The following EPS15 variants were observed in gnomAD, a reference collection of about 807,000 sequenced individuals.
The protein encoded by EPS15 is epidermal growth factor receptor substrate 15.
A neutral mutation model predicts 113.8 loss-of-function variants in EPS15; 72 were observed. The observed-to-expected ratio is 0.63, with a 90% CI of 0.52 to 0.77. The LOEUF (loss-of-function observed/expected upper bound fraction) is 0.77, where lower values mean the gene tolerates loss of function less well. EPS15 is among the 30% of genes least tolerant of loss of function. The pLI is 0.00. For missense variants in EPS15, 1,048 were observed against 1,045.8 expected (o/e 1.00, Z -0.03); for synonymous variants, 344 against 363.4 (o/e 0.95, Z 0.61).
chr1:51,356,986 C>A, intron 24 of EPS15, 140 bp from the exon 25 acceptor site: 2 of 640,836 alleles, frequency 3.1e-6, no homozygotes, highest in South Asian at 4.4e-5. Flanking sequence ...TTTTTTTTCC[C>A]CCTGAAAACA....
chr1:51,511,360 G>A (rs1447576317), intron 1 of EPS15, among the ~76,000 whole-genome samples: 1 of 151,390 alleles, frequency 6.6e-6, no homozygotes, highest in East Asian at 1.9e-4. Flanking sequence ...GCCAGGCGTG[G>A]TGATGCACGC....
intron 11 of EPS15, among the ~76,000 whole-genome samples, chr1:51,441,639 T>C (rs1357277753): frequency 1.3e-5 from 2 of 152,144 alleles, no homozygotes; most frequent in South Asian, 4.1e-4. Flanking sequence ...CTCATATTTA[T>C]ATACTCATTT....
chr1:51,498,947 C>T (rs913590400), intron 1 of EPS15, among the ~76,000 whole-genome samples: 1 of 152,130 alleles, frequency 6.6e-6, no homozygotes, highest in Admixed American at 6.5e-5. Context: ...AATTTAGGTA[C>T]GTATCAAAGA....
In EPS15 at chr1:51,444,556, ATAATT is replaced by A. The variant is rs1195965552; in HGVS notation, c.954+328_954+332del. Among the ~76,000 whole-genome samples, 6 of 152,352 alleles carry A rather than the reference ATAATT, an allele frequency of 3.9e-5. No individual in the cohort carries two copies. In the South Asian group the frequency reaches 1.0e-3, roughly 26 times the overall value. Reference sequence around the variant, plus strand: ...AGAGTGAATCATCAAGTGAAACACAATAATTTAATTTTTATAGCTTTCCTTTTATA... The same window carrying A: ...AGAGTGAATCATCAAGTGAAACACAATAATTTTTATAGCTTTCCTTTTATA... On this transcript the variant is annotated intron_variant, in intron 11 of 24. Transcript: ENST00000371733.
rs1646195077 is a variant in EPS15 at position 51,355,277 on chromosome 1, A to G, written c.*1423T>C. ...GGAATTTATTTATAGGCTAGGCAAT[A>G]AGTTACTCAGATTAACACAGATCAA... On this transcript the variant is annotated 3_prime_UTR_variant, in exon 25 of 25. Coordinates refer to ENST00000371733, the MANE Select transcript of EPS15 (RefSeq NM_001981.3). 1 of 218,428 alleles carries G rather than the reference A, an allele frequency of 4.6e-6. No homozygotes were observed. Among genetic ancestry groups the G allele is most frequent in the South Asian group, 1.9e-4 (1 of 5,394 alleles). The allele number at this position is 218,428 out of a possible 1,614,324, so 13.5% of individuals were successfully genotyped here. A position where few individuals can be genotyped will look rare whatever the true frequency, so the allele number is the denominator to read the frequency against.
chr1:51,383,562 C>A (rs1223550129), intron 21 of EPS15, among the ~76,000 whole-genome samples: 6 of 152,166 alleles, frequency 3.9e-5, no homozygotes, highest in Non-Finnish European at 8.8e-5. Context: ...GTTCAAGCTC[C>A]TATGAGAATC....
At chr1:51,480,335 G>A (rs1002352668) in intron 2 of EPS15, among the ~76,000 whole-genome samples, 5 of 152,086 alleles carry the variant, frequency 3.3e-5, no homozygotes, top group African/African-American at 9.7e-5. Context: ...AGAAATTATC[G>A]TCTGATCTAT....
chr1:51,438,885 G>C (rs752931669), intron 12 of EPS15, among the ~76,000 whole-genome samples: 5 of 151,190 alleles, frequency 3.3e-5, no homozygotes, highest in Admixed American at 6.6e-5. Context: ...TTTTTTCCGT[G>C]AGTAAGGACA....
Position 51,451,496 on chromosome 1 carries a change from A to G in EPS15, c.562-3361T>C, listed in dbSNP as rs1346459218. 7.6e-5 allele frequency among the ~76,000 whole-genome samples: 11 copies of G among 144,150 alleles called. 1 individual carries two copies. The highest frequency in any genetic ancestry group is 2.8e-4 in the African/African-American group (11 of 39,970). The allele number at this position is 144,150 out of a possible 152,430, so 94.6% of individuals were successfully genotyped here. On this transcript the variant is annotated intron_variant, in intron 8 of 24. Transcript: ENST00000371733. ...ACAGAGAGAGACTCCATCTCAAAAA[A>G]AAAAAAAAAAAAGAAAGAAAGAAAG...
intron 21 of EPS15, among the ~76,000 whole-genome samples, chr1:51,380,772 C>G (rs1044759682): frequency 6.6e-6 from 1 of 151,918 alleles, no homozygotes; most frequent in African/African-American, 2.4e-5. Flanking sequence ...AAATGCAAAA[C>G]ACAACTACAT....
intron 8 of EPS15, among the ~76,000 whole-genome samples, chr1:51,459,705 G>T (rs1029649395): frequency 1.3e-5 from 2 of 151,826 alleles, no homozygotes; most frequent in African/African-American, 4.8e-5. Context: ...CAGGTTGAAA[G>T]TATACATCAA....
intron 21 of EPS15, among the ~76,000 whole-genome samples, chr1:51,389,234 T>C (rs1194688425): frequency 2.6e-4 from 39 of 152,252 alleles, no homozygotes; most frequent in African/African-American, 8.4e-4. Context: ...ATTATCTCAA[T>C]AGATGCAGAA....
intron 1 of EPS15, among the ~76,000 whole-genome samples, chr1:51,518,740 G>A (rs936611621): frequency 5.3e-5 from 8 of 152,060 alleles, no homozygotes; most frequent in Admixed American, 1.3e-4. Context: ...CCTACTGGGG[G>A]CGGCGCGCAG....
intron 1 of EPS15, among the ~76,000 whole-genome samples, chr1:51,494,537 A>G (rs751356069): frequency 6.6e-6 from 1 of 152,242 alleles, no homozygotes; most frequent in Non-Finnish European, 1.5e-5. Flanking sequence ...TTGATGCTGC[A>G]GCTGAGAAAG....
At position 51,456,892 on chromosome 1, in the gene EPS15, C is replaced by G. The variant is rs533277935; in HGVS notation, c.561+4199G>C. On this transcript the variant is annotated intron_variant, in intron 8 of 24. Coordinates refer to ENST00000371733, the MANE Select transcript of EPS15 (RefSeq NM_001981.3). The stretch of plus-strand genomic sequence containing the variant: ...AAGAATACTAGTTATTAATATTGAA[C>G]AAAACTGGAAGAAAAATACCAAAAC... 2.0e-5 allele frequency among the ~76,000 whole-genome samples: 3 copies of G among 152,050 alleles called. No homozygotes were observed. The South Asian group carries it at 6.2e-4, about 32-fold the overall frequency.
chr1:51,424,761 G>A (rs1651057619), intron 12 of EPS15, among the ~76,000 whole-genome samples: 1 of 151,928 alleles, frequency 6.6e-6, no homozygotes, highest in African/African-American at 2.4e-5. Flanking sequence ...AAATTAGCTG[G>A]GTGTGGTCTC....
At chr1:51,373,014 C>A in intron 21 of EPS15, 1 of 249,132 alleles carries the variant, frequency 4.0e-6, no homozygotes. Flanking sequence ...TGAAGATCAA[C>A]GACCAAATGG....
chr1:51,455,538 C>T (rs1339101342), intron 8 of EPS15, among the ~76,000 whole-genome samples: 3 of 150,802 alleles, frequency 2.0e-5, no homozygotes, highest in African/African-American at 4.9e-5. Context: ...TGCGGTGAGC[C>T]GAAATCACAC....
intron 1 of EPS15, among the ~76,000 whole-genome samples, chr1:51,510,387 T>C (rs1434978963): frequency 6.6e-6 from 1 of 152,230 alleles, no homozygotes; most frequent in African/African-American, 2.4e-5. Flanking sequence ...CCACTTAAAA[T>C]ACAACCGTGA....
Sources: allele counts gnomAD v4.1 joint callset (sites outside exome capture counted in the v4.1 genomes callset), GRCh38; gene constraint gnomAD v4.1.1; transcripts MANE v1.5; gene names NCBI Gene and HGNC (gene_info 2026-07-23, HGNC 2026-07-21).